Variants in NDE1 observed in about 807,000 individuals in gnomAD.
NDE1 encodes nuclear distribution protein nudE homolog 1.
A neutral mutation model predicts 43.4 loss-of-function variants in NDE1; 28 were observed. The observed-to-expected ratio is 0.65, with a 90% confidence interval of 0.48 to 0.89. NDE1 has a LOEUF of 0.89. NDE1 is among the 40% of genes least tolerant of loss of function. The pLI is 0.00. For missense variants in NDE1, 441 were observed against 434.1 expected, an observed-to-expected ratio of 1.02 and a Z score of -0.14; for synonymous variants, 184 against 172.0, an observed-to-expected ratio of 1.07 and a Z score of -0.55.
At chr16:15,715,307 G>T in intron 8 of NDE1, 1 of 1,607,978 alleles carries the variant, frequency 6.2e-7, no homozygotes, top group South Asian at 1.1e-5. Context: ...GGTTTCAGCG[G>T]AGGGTGGCAC....
chr16:15,658,066 A>G (rs759902550), intron 1 of NDE1, among the ~76,000 whole-genome samples: 73 of 152,138 alleles, frequency 4.8e-4, no homozygotes, highest in Admixed American at 2.0e-3. Flanking sequence ...TTCAAATGAT[A>G]TTGTCAGGAC....
intron 8 of NDE1, among the ~76,000 whole-genome samples, chr16:15,712,194 G>C (rs1299729290): frequency 6.6e-6 from 1 of 152,200 alleles, no homozygotes; most frequent in Non-Finnish European, 1.5e-5. Context: ...AGCATGTTTG[G>C]TGTGAGCTGC....
At chr16:15,657,037 T>C (rs1323340433) in intron 1 of NDE1, among the ~76,000 whole-genome samples, 1 of 152,150 alleles carries the variant, frequency 6.6e-6, no homozygotes, top group African/African-American at 2.4e-5. Flanking sequence ...CTTTATTGTA[T>C]GCTGACAACC....
upstream of NDE1, among the ~76,000 whole-genome samples, chr16:15,646,114 T>C (rs1375080148): frequency 6.6e-6 from 1 of 152,260 alleles, no homozygotes; most frequent in Non-Finnish European, 1.5e-5. Context: ...ATGCCCTCTC[T>C]TTTTTCTTTA....
chr16:15,645,595 A>G (rs2036316349), upstream of NDE1, among the ~76,000 whole-genome samples: 3 of 152,266 alleles, frequency 2.0e-5, no homozygotes, highest in African/African-American at 2.4e-5. Context: ...TAAGCAAAGT[A>G]TACCAGGCCT....
At chr16:15,677,473 C>A (rs531031047) in intron 3 of NDE1, among the ~76,000 whole-genome samples, 15 of 152,110 alleles carry the variant, frequency 9.9e-5, no homozygotes, top group African/African-American at 3.1e-4. Flanking sequence ...GTATTCCCAG[C>A]CACTTGGGAG....
rs780206041 is a variant in NDE1 at position 15,725,042 on chromosome 16, C to T, written c.*791C>T. On this transcript the variant is annotated 3_prime_UTR_variant, in exon 9 of 9. Coordinates refer to ENST00000396354, the MANE Select transcript of NDE1 (RefSeq NM_017668.3). ...GTCAAAGCCTCTAGAAGGGGATCCT[C>T]GTTGAAAGGAGCCCTTTTTACTCAA... is the stretch of plus-strand genomic sequence containing the variant. 1.5e-5 allele frequency: 23 copies of T among 1,514,872 alleles called. No individual in the cohort carries two copies. Among genetic ancestry groups the T allele is most frequent in the African/African-American group, 1.2e-4 (9 of 72,766 alleles). The allele number at this position is 1,514,872 out of a possible 1,614,324, so 93.8% of individuals were successfully genotyped here.
intron 8 of NDE1, chr16:15,708,770 C>T (rs1567674596): frequency 6.3e-7 from 1 of 1,595,628 alleles, no homozygotes. Flanking sequence ...GATACTGAGA[C>T]AACACACAGC....
At position 15,724,683 on chromosome 16, in the gene NDE1, C is replaced by T; in HGVS notation, c.*432C>T. 6.2e-7 allele frequency: 1 copy of T among 1,614,220 alleles called. No homozygotes were observed. The highest frequency in any genetic ancestry group is 2.2e-5 in the East Asian group (1 of 44,884). ...GAGTGGAGATGTGGCGCTCCAGGTTCTGCTTGGCCTCCATCTCCTCGTCCA... is the reference window on the plus strand; with the variant it reads ...GAGTGGAGATGTGGCGCTCCAGGTTTTGCTTGGCCTCCATCTCCTCGTCCA... On this transcript the variant is annotated 3_prime_UTR_variant, in exon 9 of 9. Coordinates refer to ENST00000396354, the MANE Select transcript of NDE1 (RefSeq NM_017668.3).
In NDE1 at chr16:15,724,936, C is replaced by G. The variant is rs1426235666; in HGVS notation, c.*685C>G. ...TGAGGGACGCCACGTCCTTGGCCAGCTTAATGGCCTTCCCCTCGGCCTCGT... is the reference window on the plus strand; with the variant it reads ...TGAGGGACGCCACGTCCTTGGCCAGGTTAATGGCCTTCCCCTCGGCCTCGT... On this transcript the variant is annotated 3_prime_UTR_variant, in exon 9 of 9. Coordinates refer to ENST00000396354, the MANE Select transcript of NDE1 (RefSeq NM_017668.3). 1 of 1,614,140 alleles carries G rather than the reference C, an allele frequency of 6.2e-7. No individual in the cohort carries two copies. The highest frequency in any genetic ancestry group is 1.7e-5 in the Admixed American group (1 of 60,014).
intron 4 of NDE1, among the ~76,000 whole-genome samples, chr16:15,679,628 G>A (rs59253368): frequency 0.061 from 9,352 of 152,118 alleles, 988 homozygotes; most frequent in African/African-American, 0.21. Context: ...GAGCATAGTT[G>A]TAAGAGCTGC....
At chr16:15,716,933 C>G (rs2151197218) in intron 8 of NDE1, among the ~76,000 whole-genome samples, 1 of 152,340 alleles carries the variant, frequency 6.6e-6, no homozygotes, top group East Asian at 1.9e-4. Flanking sequence ...GCAGCTCACA[C>G]TTTAGGTGCT....
At chr16:15,722,173 C>G (rs976994028) in intron 8 of NDE1, among the ~76,000 whole-genome samples, 2 of 152,052 alleles carry the variant, frequency 1.3e-5, no homozygotes, top group African/African-American at 4.8e-5. Context: ...CCTTGTGCTT[C>G]GAAACCACTA....
intron 3 of NDE1, among the ~76,000 whole-genome samples, chr16:15,671,649 C>A (rs746159681): frequency 4.6e-5 from 7 of 152,154 alleles, no homozygotes; most frequent in Non-Finnish European, 7.4e-5. Flanking sequence ...CAGCTGAACA[C>A]CTGCTACACA....
At chr16:15,722,982 G>A (rs369843351) in intron 8 of NDE1, among the ~76,000 whole-genome samples, 5 of 152,270 alleles carry the variant, frequency 3.3e-5, no homozygotes, top group African/African-American at 1.2e-4. Context: ...GACCTCAAGT[G>A]ATCCACCTGC....
rs556318334 is a variant in NDE1 at position 15,676,194 on chromosome 16, C to T, written c.238-1607C>T. ...CATTTTATCCCCTCCTTTTCTCCCT[C>T]CTTCTTTTTCTTTCTTTCTTTGTTT... On this transcript the variant is annotated intron_variant, in intron 3 of 8. Transcript: ENST00000396354. Among the ~76,000 whole-genome samples the T allele has an allele frequency of 4.0e-5, 6 of 149,428 alleles. No individual in the cohort carries two copies. The Admixed American group carries it at 4.1e-4, about 10-fold the overall frequency.
At chr16:15,664,710 A>C (rs2151435783) in intron 1 of NDE1, 26 bp from the exon 2 acceptor site, 1 of 1,196,840 alleles carries the variant, frequency 8.4e-7, no homozygotes, top group East Asian at 2.3e-5. Flanking sequence ...AGATGTGGGT[A>C]ATCATTTTGA....
In NDE1 at chr16:15,725,860, A is replaced by G. The variant is rs1399591652; in HGVS notation, c.*1609A>G. On this transcript the variant is annotated 3_prime_UTR_variant, in exon 9 of 9. Coordinates refer to ENST00000396354, the MANE Select transcript of NDE1 (RefSeq NM_017668.3). ...GCTTAAAACCCCTCAACAGCTTCACATTGCCCAGAGTAAGGATCAACATAC... is the reference window on the plus strand; with the variant it reads ...GCTTAAAACCCCTCAACAGCTTCACGTTGCCCAGAGTAAGGATCAACATAC... 1 of 395,118 alleles carries G rather than the reference A, an allele frequency of 2.5e-6. No individual in the cohort carries two copies. Among genetic ancestry groups the G allele is most frequent in the Non-Finnish European group, 4.5e-6 (1 of 224,406 alleles). The allele number at this position is 395,118 out of a possible 1,614,324, so 24.5% of individuals were successfully genotyped here. A position where few individuals can be genotyped will look rare whatever the true frequency, so the allele number is the denominator to read the frequency against.
At chr16:15,652,912 C>A (rs59026599) in intron 1 of NDE1, among the ~76,000 whole-genome samples, 14 of 152,044 alleles carry the variant, frequency 9.2e-5, no homozygotes, top group Non-Finnish European at 1.8e-4. Context: ...GCGATCCTTC[C>A]GCCTCAGCCT....
Sources: gnomAD v4.1 joint callset for allele counts (sites outside exome capture counted in the v4.1 genomes callset) on GRCh38, gnomAD v4.1.1 for gene constraint, MANE v1.5 for transcripts, NCBI Gene and HGNC (gene_info 2026-07-23, HGNC 2026-07-21) for gene names.